The following GRIN2B variants were observed in gnomAD, a reference collection of about 807,000 sequenced individuals.
GRIN2B encodes the protein glutamate ionotropic receptor NMDA type subunit 2B, also known as glutamate receptor ionotropic, NMDA 2B.
Under a neutral mutation model 114.5 loss-of-function variants are expected in GRIN2B, and 5 were observed. The ratio of observed to expected loss-of-function variants is 0.04; its 90% CI spans 0.02 to 0.09. The LOEUF is 0.09. Ranked by LOEUF, GRIN2B falls within the 10% of genes least tolerant of loss-of-function variation. The pLI, the probability that GRIN2B is intolerant of heterozygous loss-of-function variation, is 1.00. For missense variants in GRIN2B, 1,108 were observed against 1,943.5 expected (o/e 0.57, Z 8.08); for synonymous variants, 787 against 745.1 (o/e 1.06, Z -0.92).
intron 5 of GRIN2B, among the ~76,000 whole-genome samples, chr12:13,617,462 C>T (rs1054896614): frequency 5.3e-5 from 8 of 152,150 alleles, no homozygotes; most frequent in Non-Finnish European, 8.8e-5. Context: ...ATGAACATGG[C>T]GGCCTGCTGG....
intron 4 of GRIN2B, among the ~76,000 whole-genome samples, chr12:13,727,734 A>T (rs1355139606): frequency 6.6e-6 from 1 of 152,204 alleles, no homozygotes; most frequent in Non-Finnish European, 1.5e-5. Flanking sequence ...GGAGGACCTG[A>T]TGCTGTGATC....
chr12:13,919,440 T>C (rs1866787472), intron 2 of GRIN2B, among the ~76,000 whole-genome samples: 1 of 152,234 alleles, frequency 6.6e-6, no homozygotes, highest in African/African-American at 2.4e-5. Context: ...AACTCTTTTC[T>C]AAACTAACAT....
intron 5 of GRIN2B, among the ~76,000 whole-genome samples, chr12:13,674,257 G>A (rs1053225350): frequency 2.6e-5 from 4 of 152,116 alleles, no homozygotes; most frequent in African/African-American, 7.2e-5. Flanking sequence ...CTACTTGGGA[G>A]GCTGAGCTGG....
At position 13,698,939 on chromosome 12, in the gene GRIN2B, TC is replaced by T. The variant is rs1169764795; in HGVS notation, c.1011-23081del. ...CTCAGGTGATCCACCTGCCTCAGCC[TC>T]CCAAAGTGCTGGCATTACAGGCGTG... On this transcript the variant is annotated intron_variant, in intron 4 of 13. Transcript: ENST00000609686. Among the ~76,000 whole-genome samples the T allele has an allele frequency of 2.0e-5, 3 of 152,128 alleles. No individual in the cohort carries two copies. The East Asian group carries it at 5.8e-4, about 29-fold the overall frequency.
intron 4 of GRIN2B, among the ~76,000 whole-genome samples, chr12:13,741,083 T>C (rs1863276096): frequency 6.6e-6 from 1 of 152,220 alleles, no homozygotes; most frequent in Non-Finnish European, 1.5e-5. Context: ...ACTCTGTGAG[T>C]GCAGTGGTGT....
chr12:13,605,520 G>GTCCCTCTCTCTCTCTCTCTCTC (rs1949229799), intron 10 of GRIN2B, among the ~76,000 whole-genome samples: 1 of 114,952 alleles, frequency 8.7e-6, no homozygotes, highest in Admixed American at 9.1e-5. Flanking sequence ...GGTCTTGAAA[G>GTCCCTCTCTCTCTCTCTCTCTC]TCTCTCTCTC....
intron 10 of GRIN2B, among the ~76,000 whole-genome samples, chr12:13,580,107 T>C (rs1383086875): frequency 2.0e-5 from 3 of 152,180 alleles, no homozygotes; most frequent in Admixed American, 6.5e-5. Context: ...TAAATACTGA[T>C]GGTGTCAAAG....
chr12:13,960,971 G>A (rs1012003221), intron 2 of GRIN2B, among the ~76,000 whole-genome samples: 19 of 152,204 alleles, frequency 1.2e-4, no homozygotes, highest in African/African-American at 4.6e-4. Flanking sequence ...GGACTATGGA[G>A]GAGAGAATGC....
At chr12:13,653,924 C>A (rs551383748) in intron 5 of GRIN2B, among the ~76,000 whole-genome samples, 1 of 152,248 alleles carries the variant, frequency 6.6e-6, no homozygotes, top group Admixed American at 6.5e-5. Flanking sequence ...ATGGTTCACA[C>A]TAAAATTTCT....
intron 4 of GRIN2B, among the ~76,000 whole-genome samples, chr12:13,723,190 G>T (rs1398723050): frequency 1.3e-5 from 2 of 151,654 alleles, no homozygotes; most frequent in African/African-American, 4.8e-5. Context: ...TACAGAATGT[G>T]CAGGTTTGTT....
chr12:13,869,612 C>A (rs11055655), intron 2 of GRIN2B, among the ~76,000 whole-genome samples: 3,339 of 152,190 alleles, frequency 0.022, 62 homozygotes, highest in Non-Finnish European at 0.03. Context: ...AATGAGAAAA[C>A]TGAGGGTTAA....
chr12:13,599,638 A>T (rs10744036), intron 10 of GRIN2B, among the ~76,000 whole-genome samples: 151,333 of 152,372 alleles, frequency 0.99, 75,157 homozygotes, highest in Middle Eastern at 1. Context: ...TTTTTTTGTT[A>T]TTAATCAGAA....
At chr12:13,807,420 C>T (rs530810254) in intron 3 of GRIN2B, among the ~76,000 whole-genome samples, 69 of 152,206 alleles carry the variant, frequency 4.5e-4, no homozygotes, top group African/African-American at 1.6e-3. Context: ...CATTTCACTT[C>T]ACATAATGCC....
chr12:13,580,244 A>C (rs1301832516), intron 10 of GRIN2B, among the ~76,000 whole-genome samples: 2 of 152,212 alleles, frequency 1.3e-5, no homozygotes, highest in African/African-American at 4.8e-5. Flanking sequence ...GTTAAAATGA[A>C]GAGGATGGTG....
intron 3 of GRIN2B, among the ~76,000 whole-genome samples, chr12:13,841,516 C>T (rs1423462768): frequency 6.6e-6 from 1 of 152,182 alleles, no homozygotes; most frequent in Admixed American, 6.5e-5. Context: ...CTCAGTGCCA[C>T]ACTTTTCACT....
chr12:13,702,843 A>T (rs1171903084), intron 4 of GRIN2B, among the ~76,000 whole-genome samples: 1 of 152,170 alleles, frequency 6.6e-6, no homozygotes, highest in African/African-American at 2.4e-5. Flanking sequence ...CCCATTCCTT[A>T]CAGCTAAAGT....
chr12:13,843,345 A>C (rs1865418592), intron 3 of GRIN2B, among the ~76,000 whole-genome samples: 1 of 152,054 alleles, frequency 6.6e-6, no homozygotes, highest in African/African-American at 2.4e-5. Flanking sequence ...TGTCTGCATC[A>C]AGTACCCCTA....
rs1457592346 is a variant in GRIN2B at position 13,552,562 on chromosome 12, A to G, written c.*10221T>C. 6.6e-6 allele frequency: 1 copy of G among 152,080 alleles called. No homozygotes were observed. Among genetic ancestry groups the G allele is most frequent in the Non-Finnish European group, 1.5e-5 (1 of 68,002 alleles). The allele number at this position is 152,080 out of a possible 1,614,324, so 9.4% of individuals were successfully genotyped here. Reference sequence around the variant, plus strand: ...GCTAAAATGCCTAGAATTTTGGTCCATTTATTGGCCCAAATGAGATTCATG... The same window carrying G: ...GCTAAAATGCCTAGAATTTTGGTCCGTTTATTGGCCCAAATGAGATTCATG... On this transcript the variant is annotated 3_prime_UTR_variant, in exon 14 of 14. Transcript: ENST00000609686.
chr12:13,962,646 A>C (rs1867714925), intron 2 of GRIN2B, among the ~76,000 whole-genome samples: 1 of 152,214 alleles, frequency 6.6e-6, no homozygotes, highest in Non-Finnish European at 1.5e-5. Context: ...TACACCAAGC[A>C]AATATCTGCC....
Sources: allele counts gnomAD v4.1 joint callset (sites outside exome capture counted in the v4.1 genomes callset), GRCh38; gene constraint gnomAD v4.1.1; transcripts MANE v1.5; gene names NCBI Gene and HGNC (gene_info 2026-07-23, HGNC 2026-07-21).